SLC17A1: variants seen among roughly 807,000 people sequenced by gnomAD.
SLC17A1 encodes the protein solute carrier family 17 member 1.
SLC17A1 carries 51 observed loss-of-function variants against 53.5 expected under a neutral mutation model. That is an observed-to-expected ratio of 0.95 (90% CI 0.76 to 1.20). The LOEUF (loss-of-function observed/expected upper bound fraction) is 1.20. SLC17A1 is among the 50% of genes most tolerant of loss of function. The pLI is 0.00. For synonymous variants in SLC17A1, 179 were observed against 198.8 expected (o/e 0.90, Z 0.84); for missense variants, 538 against 568.2 (o/e 0.95, Z 0.54).
intron 10 of SLC17A1, among the ~76,000 whole-genome samples, chr6:25,807,209 AAAC>A (rs1561832353): frequency 1.3e-5 from 2 of 151,336 alleles, no homozygotes; most frequent in African/African-American, 2.4e-5. Flanking sequence ...ATCATTGTAA[AAAC>A]AAACAGACAA....
chr6:25,749,860 C>A, the SLC17A1 span, among the ~76,000 whole-genome samples: 1 of 152,190 alleles, frequency 6.6e-6, no homozygotes, highest in Non-Finnish European at 1.5e-5. Flanking sequence ...TCTCTCTTTT[C>A]TGTGCCATGA....
intron 12 of SLC17A1, among the ~76,000 whole-genome samples, chr6:25,797,359 ATGTT>A (rs1763623795): frequency 6.6e-6 from 1 of 152,202 alleles, no homozygotes; most frequent in African/African-American, 2.4e-5. Context: ...TATAGGATAA[ATGTT>A]TGTAATCACT....
the SLC17A1 span, among the ~76,000 whole-genome samples, chr6:25,739,728 T>G: frequency 6.6e-6 from 1 of 152,186 alleles, no homozygotes. Context: ...ATATAACATT[T>G]CAAAACAAAG....
At chr6:25,742,051 A>C in the SLC17A1 span, among the ~76,000 whole-genome samples, 1 of 152,128 alleles carries the variant, frequency 6.6e-6, no homozygotes, top group Admixed American at 6.5e-5. Context: ...AATGTTGTAA[A>C]AGTATCACAA....
At chr6:25,806,597 C>A (rs2151486798) in intron 10 of SLC17A1, among the ~76,000 whole-genome samples, 1 of 152,016 alleles carries the variant, frequency 6.6e-6, no homozygotes, top group African/African-American at 2.4e-5. Flanking sequence ...CTAGGAAAAA[C>A]TCTTCTGGAC....
At chr6:25,786,148 A>C (rs549808172) in intron 12 of SLC17A1, among the ~76,000 whole-genome samples, 13 of 152,362 alleles carry the variant, frequency 8.5e-5, no homozygotes, top group East Asian at 5.8e-4. Context: ...GCCACAAAAA[A>C]AGAAGGAAGT....
chr6:25,773,180 G>A, the SLC17A1 span: 2 of 930,524 alleles, frequency 2.1e-6, no homozygotes, highest in Admixed American at 1.7e-5. Context: ...GGTGTACTGA[G>A]GCCAGTCACT....
chr6:25,779,171 A>G (rs200172442), downstream of SLC17A1: 56 of 1,613,742 alleles, frequency 3.5e-5, no homozygotes, highest in Admixed American at 3.7e-4. Flanking sequence ...TAAAGAGCAG[A>G]CATTCACCCA....
the SLC17A1 span, among the ~76,000 whole-genome samples, chr6:25,760,171 T>C: frequency 5.0e-3 from 756 of 152,374 alleles, 5 homozygotes; most frequent in Non-Finnish European, 7.6e-3. Flanking sequence ...CTGGTTCTTT[T>C]AATATCCATG....
downstream of SLC17A1, among the ~76,000 whole-genome samples, chr6:25,778,463 G>T (rs955094809): frequency 3.3e-5 from 5 of 152,090 alleles, no homozygotes; most frequent in African/African-American, 1.2e-4. Context: ...ATACTGTCAG[G>T]AAATGGTTGT....
At chr6:25,731,214 C>A in the SLC17A1 span, among the ~76,000 whole-genome samples, 2 of 152,132 alleles carry the variant, frequency 1.3e-5, no homozygotes, top group Non-Finnish European at 2.9e-5. Context: ...GGGGAGTTAG[C>A]CTGATCACTT....
chr6:25,773,638 G>A, the SLC17A1 span: 44 of 1,613,682 alleles, frequency 2.7e-5, no homozygotes, highest in African/African-American at 3.5e-4. Flanking sequence ...ACACACCAAC[G>A]TACATCAGCT....
At chr6:25,733,269 G>A in the SLC17A1 span, among the ~76,000 whole-genome samples, 1 of 152,114 alleles carries the variant, frequency 6.6e-6, no homozygotes, top group Non-Finnish European at 1.5e-5. Context: ...TGAAGATGGG[G>A]AATCATATTT....
chr6:25,767,617 A>G, the SLC17A1 span, among the ~76,000 whole-genome samples: 2 of 152,184 alleles, frequency 1.3e-5, no homozygotes, highest in Admixed American at 6.5e-5. Flanking sequence ...GTAGGAACAG[A>G]GTAGTTTAAT....
the SLC17A1 span, among the ~76,000 whole-genome samples, chr6:25,774,566 G>A: frequency 6.6e-6 from 1 of 152,168 alleles, no homozygotes; most frequent in Non-Finnish European, 1.5e-5. Flanking sequence ...AAGAGGAAGA[G>A]GGCCAGAAAT....
the SLC17A1 span, chr6:25,725,995 G>T: frequency 1.3e-6 from 1 of 770,464 alleles, no homozygotes. Flanking sequence ...GGGCATTTGT[G>T]ACAGGCAAGT....
At position 25,811,762 on chromosome 6, in the gene SLC17A1, G is replaced by T. The variant is rs1402285601; in HGVS notation, c.906C>A (p.Phe302Leu). 2 of 1,613,546 alleles carry T rather than the reference G, an allele frequency of 1.2e-6. No individual in the cohort carries two copies. Among genetic ancestry groups the T allele is most frequent in the Non-Finnish European group, 1.7e-6 (2 of 1,179,706 alleles). ...MLHVNIKENG[F>L]LSSLPYLFAW... Reference sequence around the variant, plus strand: ...CAAACAAATAGGGAAGGGAAGACAAGAACCCATTCTGAAGAGGAAACATTA... The same window carrying T: ...CAAACAAATAGGGAAGGGAAGACAATAACCCATTCTGAAGAGGAAACATTA... Residue 302 changes from phenylalanine (F) to leucine (L), a missense_variant, in exon 9 of 13, where the codon TTC becomes TTA. Transcript: ENST00000244527.
intron 6 of SLC17A1, among the ~76,000 whole-genome samples, chr6:25,818,808 G>C (rs1764447394): frequency 6.6e-6 from 1 of 152,090 alleles, no homozygotes; most frequent in Non-Finnish European, 1.5e-5. Context: ...TTCCTGGAGA[G>C]TTTCATATAA....
the SLC17A1 span, among the ~76,000 whole-genome samples, chr6:25,743,653 T>C: frequency 4.8e-3 from 723 of 151,488 alleles, 5 homozygotes; most frequent in Non-Finnish European, 7.7e-3. Context: ...TGAAAGTACA[T>C]GATTTATGCT....
Sources: gnomAD v4.1 joint callset for allele counts (sites outside exome capture counted in the v4.1 genomes callset) on GRCh38, gnomAD v4.1.1 for gene constraint, MANE v1.5 for transcripts, NCBI Gene and HGNC (gene_info 2026-07-23, HGNC 2026-07-21) for gene names.